NMT2: variants seen among roughly 807,000 people sequenced by gnomAD.
The protein encoded by NMT2 is N-myristoyltransferase 2, also known as glycylpeptide N-tetradecanoyltransferase 2.
NMT2 carries 35 observed loss-of-function variants against 65.4 expected under a neutral mutation model. That is an observed-to-expected ratio of 0.54 (90% CI 0.41 to 0.71). The LOEUF is 0.71. NMT2 is among the 30% of genes least tolerant of loss of function. The pLI is 0.00. For synonymous variants in NMT2, 226 were observed against 231.8 expected, an observed-to-expected ratio of 0.98 and a Z score of 0.23; for missense variants, 489 against 611.3, an observed-to-expected ratio of 0.80 and a Z score of 2.11.
At chr10:15,154,472 G>A (rs956903588) in intron 1 of NMT2, among the ~76,000 whole-genome samples, 3 of 152,186 alleles carry the variant, frequency 2.0e-5, no homozygotes, top group Non-Finnish European at 4.4e-5. Context: ...TCCTCAAGAA[G>A]GCGTTCCAAG....
intron 9 of NMT2, among the ~76,000 whole-genome samples, chr10:15,116,297 A>T (rs915840968): frequency 6.6e-6 from 1 of 152,232 alleles, no homozygotes; most frequent in Non-Finnish European, 1.5e-5. Flanking sequence ...CTCTAAACAC[A>T]GCAAAATTGA....
At chr10:15,115,002 CA>C (rs1026620273) in intron 9 of NMT2, among the ~76,000 whole-genome samples, 2 of 149,204 alleles carry the variant, frequency 1.3e-5, no homozygotes, top group East Asian at 2.0e-4. Flanking sequence ...ACACTGTCTC[CA>C]AAAAAAATTA....
chr10:15,127,555 A>AT (rs1207856550), intron 8 of NMT2, among the ~76,000 whole-genome samples: 5 of 94,826 alleles, frequency 5.3e-5, no homozygotes, highest in Non-Finnish European at 9.0e-5. Context: ...TCAAAAAAAA[A>AT]AAAAAAAAAA....
intron 1 of NMT2, among the ~76,000 whole-genome samples, chr10:15,147,888 T>C (rs1316796483): frequency 1.3e-5 from 2 of 152,280 alleles, no homozygotes; most frequent in East Asian, 3.9e-4. Context: ...GATAATAACT[T>C]TTGAGTACAC....
intron 7 of NMT2, among the ~76,000 whole-genome samples, chr10:15,129,864 C>T (rs934929797): frequency 2.7e-5 from 4 of 147,326 alleles, no homozygotes; most frequent in African/African-American, 5.1e-5. Flanking sequence ...GCCAATATCA[C>T]GCCACTGCAT....
chr10:15,119,294 A>C, intron 9 of NMT2, 49 bp downstream of exon 9: 2 of 1,560,998 alleles, frequency 1.3e-6, no homozygotes, highest in Non-Finnish European at 1.8e-6. Context: ...CACGCTGAAC[A>C]CAAAGGGTGC....
intron 8 of NMT2, among the ~76,000 whole-genome samples, chr10:15,127,557 AAAAAAAAAAAAAAT>A (rs1312729542): frequency 1.6e-4 from 15 of 95,508 alleles, no homozygotes; most frequent in African/African-American, 2.2e-4. Context: ...AAAAAAAAAA[AAAAAAAAAAAAAAT>A]AAATAAATAA....
chr10:15,139,891 A>G (rs1246886339), intron 2 of NMT2: 4 of 110,202 alleles, frequency 3.6e-5, no homozygotes, highest in Non-Finnish European at 5.7e-5. Context: ...ATATATATAT[A>G]TATATATATA....
chr10:15,116,477 A>AAG (rs1370919516), intron 9 of NMT2, among the ~76,000 whole-genome samples: 1 of 152,206 alleles, frequency 6.6e-6, no homozygotes, highest in African/African-American at 2.4e-5. Flanking sequence ...GTAACAGGGA[A>AAG]AGGTCTCAAG....
intron 1 of NMT2, among the ~76,000 whole-genome samples, chr10:15,158,994 A>G (rs923278217): frequency 6.6e-6 from 1 of 152,202 alleles, no homozygotes. Context: ...GCAGGGAGAT[A>G]CAATTCAGTC....
intron 8 of NMT2, among the ~76,000 whole-genome samples, chr10:15,120,415 G>A (rs1412299316): frequency 6.6e-6 from 1 of 152,168 alleles, no homozygotes; most frequent in Non-Finnish European, 1.5e-5. Context: ...CCATGATCAC[G>A]CCACTGCACT....
Position 15,141,543 on chromosome 10 carries a change from T to A in NMT2, c.125A>T (p.Tyr42Phe). 6.2e-7 allele frequency: 1 copy of A among 1,612,762 alleles called. No individual in the cohort carries two copies. The highest frequency in any genetic ancestry group is 8.5e-7 in the Non-Finnish European group (1 of 1,179,370). Residue 42 changes from tyrosine to phenylalanine, a missense_variant, in exon 2 of 12, where the codon TAT (tyrosine) becomes TTT (phenylalanine). Coordinates refer to ENST00000378165, the MANE Select transcript of NMT2 (RefSeq NM_004808.3). ...CTTCTTTTTCTTTTTGGCTCCCAAA[T>A]ACCCTCCAGGACTTCTGCAGGAAAT... is the stretch of plus-strand genomic sequence containing the variant. Reference protein sequence around the residue: ...TEHAKGSPGGYLGAKKKKKKQ... With the variant: ...TEHAKGSPGGFLGAKKKKKKQ...
At chr10:15,149,499 TCAC>T (rs528577257) in intron 1 of NMT2, among the ~76,000 whole-genome samples, 25 of 138,042 alleles carry the variant, frequency 1.8e-4, no homozygotes, top group African/African-American at 6.4e-4. Context: ...ATCACCATCA[TCAC>T]CACCATCATT....
chr10:15,153,711 C>CG (rs1359051543), intron 1 of NMT2, among the ~76,000 whole-genome samples: 1 of 151,828 alleles, frequency 6.6e-6, no homozygotes, highest in Non-Finnish European at 1.5e-5. Context: ...AGTGCAGTGG[C>CG]CAATCTCGGC....
At chr10:15,119,079 C>T (rs1462060768) in intron 9 of NMT2, among the ~76,000 whole-genome samples, 5 of 152,232 alleles carry the variant, frequency 3.3e-5, no homozygotes, top group Admixed American at 3.3e-4. Flanking sequence ...TAGCACAAAA[C>T]AAGACAATGG....
At chr10:15,143,961 CA>C (rs773723424) in intron 1 of NMT2, among the ~76,000 whole-genome samples, 41 of 152,210 alleles carry the variant, frequency 2.7e-4, no homozygotes, top group Middle Eastern at 6.8e-3. Flanking sequence ...ATTAAAATAC[CA>C]GACTATTTCA....
rs1845410084 is a variant in NMT2, at chr10:15,108,927, CA to C, written c.*267del. ...GGTGAAAAAATACCTCTTCAAGAGA[CA>C]GGCAAAAATTTGAAAATTACAAGAA... On this transcript the variant is annotated 3_prime_UTR_variant, in exon 12 of 12. Coordinates refer to ENST00000378165, the MANE Select transcript of NMT2 (RefSeq NM_004808.3). The C allele has an allele frequency of 4.1e-6, 5 of 1,218,926 alleles. No homozygotes were observed. The highest frequency in any genetic ancestry group is 1.6e-5 in the African/African-American group (1 of 62,284). The allele number at this position is 1,218,926 out of a possible 1,614,324, so 75.5% of individuals were successfully genotyped here. A position where few individuals can be genotyped will look rare whatever the true frequency, so the allele number is the denominator to read the frequency against.
chr10:15,143,883 CAAT>C (rs1846864991), intron 1 of NMT2, among the ~76,000 whole-genome samples: 2 of 152,076 alleles, frequency 1.3e-5, no homozygotes, highest in South Asian at 2.1e-4. Context: ...AACACAACAA[CAAT>C]AATAATAGTC....
intron 8 of NMT2, among the ~76,000 whole-genome samples, chr10:15,125,369 A>G (rs532328039): frequency 6.6e-6 from 1 of 152,144 alleles, no homozygotes; most frequent in South Asian, 2.1e-4. Context: ...GAGAAGATTG[A>G]CTCTTGTACA....
Sources: allele counts gnomAD v4.1 joint callset (sites outside exome capture counted in the v4.1 genomes callset), GRCh38; gene constraint gnomAD v4.1.1; transcripts MANE v1.5; gene names NCBI Gene and HGNC (gene_info 2026-07-23, HGNC 2026-07-21).